Variants in SMG7 observed in about 807,000 individuals in gnomAD.
The protein encoded by SMG7 is nonsense-mediated mRNA decay factor SMG7.
In SMG7, 34 loss-of-function variants were observed where a neutral mutation model predicts 148.2. The observed-to-expected ratio is 0.23, with a 90% CI of 0.17 to 0.31. SMG7 has a LOEUF of 0.31. SMG7 is among the 10% of genes least tolerant of loss of function. The pLI is 1.00. For missense variants in SMG7, 1,114 were observed against 1,408.4 expected (o/e 0.79, Z 3.35); for synonymous variants, 492 against 515.1 (o/e 0.96, Z 0.61).
chr1:183,553,290 C>G lies in SMG7; in HGVS notation c.*1359C>G. 7.9e-7 allele frequency: 1 copy of G among 1,266,826 alleles called. No homozygotes were observed. The highest frequency in any genetic ancestry group is 2.6e-5 in the Admixed American group (1 of 38,106). The allele number at this position is 1,266,826 out of a possible 1,614,324, so 78.5% of individuals were successfully genotyped here. On this transcript the variant is annotated 3_prime_UTR_variant, in exon 23 of 23. Transcript: ENST00000688051. Reference sequence around the variant, plus strand: ...GGACAGCATTTCTGTTAGTCATTTCCTGGAAAAGTAATATTTTAAGGGGAA... The same window carrying G: ...GGACAGCATTTCTGTTAGTCATTTCGTGGAAAAGTAATATTTTAAGGGGAA...
chr1:183,490,146 T>A (rs1656588950), intron 1 of SMG7, among the ~76,000 whole-genome samples: 2 of 152,162 alleles, frequency 1.3e-5, no homozygotes, highest in South Asian at 4.1e-4. Context: ...TCAGGGAAGG[T>A]CATTGGTAAC....
At chr1:183,516,321 T>TA (rs201857829) in intron 3 of SMG7, among the ~76,000 whole-genome samples, 215 of 149,910 alleles carry the variant, frequency 1.4e-3, no homozygotes, top group African/African-American at 4.5e-3. Flanking sequence ...AGCCGCGATT[T>TA]AAAAAAAAAA....
At chr1:183,536,088 C>G (rs1667735756) in intron 10 of SMG7, among the ~76,000 whole-genome samples, 1 of 152,006 alleles carries the variant, frequency 6.6e-6, no homozygotes, top group South Asian at 2.1e-4. Context: ...TTTCTCTATC[C>G]TGGGCACTTC....
At chr1:183,495,274 T>C (rs1227798095) in intron 1 of SMG7, among the ~76,000 whole-genome samples, 6 of 152,230 alleles carry the variant, frequency 3.9e-5, no homozygotes, top group African/African-American at 1.4e-4. Context: ...TATAGGCTTA[T>C]AATTTTCATC....
At chr1:183,544,551 A>G in intron 15 of SMG7, 54 bp downstream of exon 15, 3 of 1,567,562 alleles carry the variant, frequency 1.9e-6, no homozygotes, top group African/African-American at 1.4e-5. Context: ...AAGAATTTCT[A>G]TTCAGTCACT....
rs142727855 is a variant in SMG7 at position 183,550,840 on chromosome 1, C to T, written c.3223C>T (p.Pro1075Ser). ...TCCAACACACAACCATAATTCTGTTCCATTCTCCAATTTTGGACCCATTGG... is the reference window on the plus strand; with the variant it reads ...TCCAACACACAACCATAATTCTGTTTCATTCTCCAATTTTGGACCCATTGG... ...SPPTHNHNSV[P>S]FSNFGPIGTP... The change falls in exon 21 of 23, where the codon CCA becomes TCA. Residue 1075 changes from proline (P) to serine (S), a missense_variant. Transcript: ENST00000688051. 8 of 1,613,972 alleles carry T rather than the reference C, an allele frequency of 5.0e-6. No individual in the cohort carries two copies. The highest frequency in any genetic ancestry group is 3.3e-5 in the Admixed American group (2 of 60,002).
At chr1:183,543,067 G>A (rs1424028924) in intron 14 of SMG7, among the ~76,000 whole-genome samples, 1 of 151,700 alleles carries the variant, frequency 6.6e-6, no homozygotes, top group Non-Finnish European at 1.5e-5. Flanking sequence ...CCTGGATCCT[G>A]GGAATTTATA....
At chr1:183,540,473 G>A (rs1436467532) in intron 12 of SMG7, among the ~76,000 whole-genome samples, 1 of 149,716 alleles carries the variant, frequency 6.7e-6, no homozygotes, top group Non-Finnish European at 1.5e-5. Flanking sequence ...ATTTTTTCAG[G>A]TTGGTTTACC....
At chr1:183,504,014 C>T (rs1660343387) in intron 1 of SMG7, among the ~76,000 whole-genome samples, 1 of 152,204 alleles carries the variant, frequency 6.6e-6, no homozygotes, top group African/African-American at 2.4e-5. Context: ...TGAACAGCTG[C>T]CATGGGCCGA....
intron 1 of SMG7, among the ~76,000 whole-genome samples, chr1:183,510,130 A>G (rs1661802709): frequency 6.6e-6 from 1 of 152,192 alleles, no homozygotes; most frequent in Non-Finnish European, 1.5e-5. Flanking sequence ...ATACTTGAGT[A>G]TAAATTTTTA....
At chr1:183,477,559 CAT>C (rs1187066780) in intron 1 of SMG7, among the ~76,000 whole-genome samples, 2 of 102,162 alleles carry the variant, frequency 2.0e-5, no homozygotes, top group African/African-American at 7.3e-5. Flanking sequence ...TACGTGTGTG[CAT>C]ATGTGTATAT....
In SMG7 at chr1:183,479,920, C is replaced by G. The variant is rs1386721371; in HGVS notation, c.29+7271C>G. Among the ~76,000 whole-genome samples, 3 of 152,122 alleles carry G rather than the reference C, an allele frequency of 2.0e-5. No individual in the cohort carries two copies. In the East Asian group the frequency reaches 5.8e-4, roughly 29 times the overall value. On this transcript the variant is annotated intron_variant, in intron 1 of 22. Transcript: ENST00000688051. ...TTCAGGCGGGAAGAACAACTCATGGCTCCTTTATTCCAAATAAGTTTTTTA... is the reference window on the plus strand; with the variant it reads ...TTCAGGCGGGAAGAACAACTCATGGGTCCTTTATTCCAAATAAGTTTTTTA...
At chr1:183,499,844 T>G (rs1015244927) in intron 1 of SMG7, among the ~76,000 whole-genome samples, 8 of 152,210 alleles carry the variant, frequency 5.3e-5, no homozygotes, top group African/African-American at 1.9e-4. Context: ...TTGCTTTCAT[T>G]TTGGTATCCT....
At chr1:183,550,958 G>T (rs746186524) in intron 21 of SMG7, 37 bp downstream of exon 21, 3 of 1,613,900 alleles carry the variant, frequency 1.9e-6, no homozygotes, top group Non-Finnish European at 2.5e-6. Context: ...AAAATTGAAA[G>T]AATTTACTCT....
At chr1:183,482,427 C>T (rs1401990510) in intron 1 of SMG7, among the ~76,000 whole-genome samples, 1 of 150,778 alleles carries the variant, frequency 6.6e-6, no homozygotes, top group African/African-American at 2.4e-5. Flanking sequence ...TTGTAAGTAG[C>T]CTCATCTTAG....
At chr1:183,504,970 A>G (rs371301876) in intron 1 of SMG7, among the ~76,000 whole-genome samples, 19 of 151,966 alleles carry the variant, frequency 1.3e-4, no homozygotes, top group African/African-American at 3.1e-4. Flanking sequence ...ATTTCCTTCT[A>G]TCTCTTCCAG....
At position 183,505,737 on chromosome 1, in the gene SMG7, T is replaced by C. The variant is rs1182700772; in HGVS notation, c.30-7100T>C. 2.6e-5 allele frequency among the ~76,000 whole-genome samples: 4 copies of C among 152,246 alleles called. No individual in the cohort carries two copies. The East Asian group carries it at 5.8e-4, about 22-fold the overall frequency. Reference sequence around the variant, plus strand: ...CCTGAACACTATCTTTTTTGCATTCTTTACCTTCTCATATACCCAGCTGGC... The same window carrying C: ...CCTGAACACTATCTTTTTTGCATTCCTTACCTTCTCATATACCCAGCTGGC... On this transcript the variant is annotated intron_variant, in intron 1 of 22. Coordinates refer to ENST00000688051, the MANE Select transcript of SMG7 (RefSeq NM_001375584.1).
chr1:183,510,958 TC>T (rs1010638505), intron 1 of SMG7, among the ~76,000 whole-genome samples: 1 of 151,500 alleles, frequency 6.6e-6, no homozygotes, highest in African/African-American at 2.4e-5. Context: ...GCTGCTGCAC[TC>T]CAGCCTGGGC....
chr1:183,517,879 G>T (rs1171612840), intron 4 of SMG7, 59 bp downstream of exon 4: 4 of 1,544,024 alleles, frequency 2.6e-6, no homozygotes, highest in Non-Finnish European at 3.6e-6. Context: ...TCTGCTCTTT[G>T]TACACGTCTT....
Sources: gnomAD v4.1 joint callset for allele counts (sites outside exome capture counted in the v4.1 genomes callset) on GRCh38, gnomAD v4.1.1 for gene constraint, MANE v1.5 for transcripts, NCBI Gene and HGNC (gene_info 2026-07-23, HGNC 2026-07-21) for gene names.